The following SLC44A1 variants were observed in gnomAD, a reference collection of about 807,000 sequenced individuals.
SLC44A1 encodes solute carrier family 44 member 1.
A neutral mutation model predicts 79.3 loss-of-function variants in SLC44A1; 26 were observed. That is an observed-to-expected ratio of 0.33 (90% CI 0.24 to 0.46). The LOEUF is 0.46. Ranked by LOEUF, SLC44A1 falls within the 20% of genes least tolerant of loss-of-function variation. SLC44A1 has a pLI of 1.00. For missense variants in SLC44A1, 688 were observed against 798.1 expected, an observed-to-expected ratio of 0.86 and a Z score of 1.66; for synonymous variants, 263 against 286.2, an observed-to-expected ratio of 0.92 and a Z score of 0.82.
chr9:105,300,096 G>A (rs2131290142), intron 2 of SLC44A1, among the ~76,000 whole-genome samples: 1 of 152,228 alleles, frequency 6.6e-6, no homozygotes, highest in East Asian at 1.9e-4. Context: ...AAGTAGAAAG[G>A]ACATGGAAAT....
At chr9:105,278,719 A>G (rs530717518) in intron 1 of SLC44A1, among the ~76,000 whole-genome samples, 54 of 152,322 alleles carry the variant, frequency 3.5e-4, no homozygotes, top group African/African-American at 1.2e-3. Context: ...CAGCTTTGCC[A>G]GATAACTTAG....
At chr9:105,415,802 G>T (rs1829162018) in intron 15 of SLC44A1, among the ~76,000 whole-genome samples, 1 of 151,464 alleles carries the variant, frequency 6.6e-6, no homozygotes, top group Admixed American at 6.6e-5. Flanking sequence ...ATTGTCCTTC[G>T]ATTATCTTAC....
intron 5 of SLC44A1, among the ~76,000 whole-genome samples, chr9:105,349,547 A>G (rs1827340456): frequency 6.6e-6 from 1 of 152,248 alleles, no homozygotes; most frequent in Non-Finnish European, 1.5e-5. Flanking sequence ...ATTTTAAAAG[A>G]TAGTAAGAGA....
At chr9:105,256,093 A>C (rs1829698491) in intron 1 of SLC44A1, among the ~76,000 whole-genome samples, 2 of 151,704 alleles carry the variant, frequency 1.3e-5, no homozygotes, top group Non-Finnish European at 2.9e-5. Context: ...GCTCACTGCA[A>C]CCTCCACCTC....
At chr9:105,358,547 A>T in intron 7 of SLC44A1, 114 bp downstream of exon 7, 1 of 667,348 alleles carries the variant, frequency 1.5e-6, no homozygotes, top group Admixed American at 2.9e-5. Flanking sequence ...CTCAAGGAAG[A>T]CTGTTAATTT....
intron 5 of SLC44A1, among the ~76,000 whole-genome samples, chr9:105,351,213 A>G (rs1349464243): frequency 1.3e-5 from 2 of 152,186 alleles, no homozygotes; most frequent in Non-Finnish European, 2.9e-5. Flanking sequence ...TGGGGAATTA[A>G]TGATACAATA....
rs991909669 is a variant in SLC44A1 at position 105,390,317 on chromosome 9, T to A, written c.*1261T>A. ...CTAAGAATAATTCATGATCTGTTTATGCGATAACTCCTTTTTGTTACAATT... is the reference window on the plus strand; with the variant it reads ...CTAAGAATAATTCATGATCTGTTTAAGCGATAACTCCTTTTTGTTACAATT... On this transcript the variant is annotated 3_prime_UTR_variant, in exon 16 of 16. Coordinates refer to ENST00000374720, the MANE Select transcript of SLC44A1 (RefSeq NM_080546.5). 14 of 989,052 alleles carry A rather than the reference T, an allele frequency of 1.4e-5. No homozygotes were observed. Among genetic ancestry groups the A allele is most frequent in the Non-Finnish European group, 1.7e-5 (14 of 831,624 alleles). 61.3% of individuals were successfully genotyped at this position (989,052 alleles called of 1,614,324 possible).
chr9:105,385,829 A>C, intron 15 of SLC44A1: 1 of 985,432 alleles, frequency 1.0e-6, no homozygotes, highest in Non-Finnish European at 1.2e-6. Context: ...TTTGGCTTTC[A>C]TCAGACTGAA....
chr9:105,253,810 C>T (rs182004070), intron 1 of SLC44A1, among the ~76,000 whole-genome samples: 228 of 152,198 alleles, frequency 1.5e-3, no homozygotes, highest in African/African-American at 4.8e-3. Context: ...CTGCAATCTC[C>T]GCCTCCCGGG....
intron 4 of SLC44A1, among the ~76,000 whole-genome samples, chr9:105,344,255 T>C (rs1426442111): frequency 6.6e-6 from 1 of 152,178 alleles, no homozygotes; most frequent in Admixed American, 6.5e-5. Flanking sequence ...GCAAGAAAAA[T>C]TAGCCCCCAG....
chr9:105,254,014 C>G (rs1829648235), intron 1 of SLC44A1, among the ~76,000 whole-genome samples: 1 of 152,028 alleles, frequency 6.6e-6, no homozygotes, highest in Non-Finnish European at 1.5e-5. Flanking sequence ...AGCCACTGTG[C>G]CTGGCTGAGA....
intron 15 of SLC44A1, among the ~76,000 whole-genome samples, chr9:105,388,610 T>C (rs547910908): frequency 2.6e-5 from 4 of 152,358 alleles, no homozygotes; most frequent in African/African-American, 9.6e-5. Context: ...TCTTGAACTT[T>C]TCCCTGAGAG....
At chr9:105,271,253 T>C (rs771262135) in intron 1 of SLC44A1, among the ~76,000 whole-genome samples, 4 of 152,242 alleles carry the variant, frequency 2.6e-5, no homozygotes, top group Non-Finnish European at 5.9e-5. Flanking sequence ...GTTAATTTTC[T>C]GTATAGCATG....
chr9:105,320,110 T>G (rs1826339411), intron 3 of SLC44A1, among the ~76,000 whole-genome samples: 1 of 152,116 alleles, frequency 6.6e-6, no homozygotes, highest in African/African-American at 2.4e-5. Flanking sequence ...TAATTATATA[T>G]TATGTAGTAT....
At position 105,358,373 on chromosome 9, in the gene SLC44A1, A is replaced by G. The variant is rs1827683818; in HGVS notation, c.700A>G (p.Arg234Gly). Residue 234 changes from arginine to glycine, a missense_variant, in exon 7 of 16, where the codon AGG (arginine) becomes GGG (glycine). Transcript: ENST00000374720. ...VLSMILMVII[R>G]YISRVLVWIL... is the part of the protein sequence containing the mutation. Reference sequence around the variant, plus strand: ...ATCCATGATTTTGATGGTGATAATCAGGTATATATCAAGAGTACTTGTGTG... The same window carrying G: ...ATCCATGATTTTGATGGTGATAATCGGGTATATATCAAGAGTACTTGTGTG... The G allele has an allele frequency of 1.3e-6, 2 of 1,587,992 alleles. No homozygotes were observed. The highest frequency in any genetic ancestry group is 1.7e-6 in the Non-Finnish European group (2 of 1,156,672).
At chr9:105,333,410 G>T (rs1360711806) in intron 3 of SLC44A1, among the ~76,000 whole-genome samples, 1 of 152,190 alleles carries the variant, frequency 6.6e-6, no homozygotes, top group East Asian at 1.9e-4. Context: ...CAGAATTACT[G>T]TGAGAGTTAA....
rs1330264519 is a variant in SLC44A1 at position 105,389,357 on chromosome 9, T to A, written c.*301T>A. The A allele has an allele frequency of 5.4e-6, 6 of 1,105,734 alleles. No homozygotes were observed. In the African/African-American group the frequency reaches 8.1e-5, roughly 15 times the overall value. The allele number at this position is 1,105,734 out of a possible 1,614,324, so 68.5% of individuals were successfully genotyped here. A position where few individuals can be genotyped will look rare whatever the true frequency, so the allele number is the denominator to read the frequency against. On this transcript the variant is annotated 3_prime_UTR_variant, in exon 16 of 16. Transcript: ENST00000374720. ...CTTAATGGAAATGTTAAAATTCATATCTGATTAACATTTTTAATAACTTAG... is the reference window on the plus strand; with the variant it reads ...CTTAATGGAAATGTTAAAATTCATAACTGATTAACATTTTTAATAACTTAG...
intron 1 of SLC44A1, among the ~76,000 whole-genome samples, chr9:105,254,053 T>C (rs913323009): frequency 1.7e-4 from 26 of 151,964 alleles, no homozygotes; most frequent in African/African-American, 6.3e-4. Context: ...AACAAACAAA[T>C]AATAATAATA....
intron 15 of SLC44A1, among the ~76,000 whole-genome samples, chr9:105,422,187 G>A (rs1411137885): frequency 6.6e-6 from 1 of 151,860 alleles, no homozygotes; most frequent in Non-Finnish European, 1.5e-5. Context: ...AAATCAGCAG[G>A]GTGGAAGCTG....
Sources: allele counts gnomAD v4.1 joint callset (sites outside exome capture counted in the v4.1 genomes callset), GRCh38; gene constraint gnomAD v4.1.1; transcripts MANE v1.5; gene names NCBI Gene and HGNC (gene_info 2026-07-23, HGNC 2026-07-21).